The following GLRA3 variants were observed in gnomAD, a reference collection of about 807,000 sequenced individuals.
The protein encoded by GLRA3 is glycine receptor alpha 3.
A neutral mutation model predicts 60.4 loss-of-function variants in GLRA3; 44 were observed. That is an observed-to-expected ratio of 0.73 (90% confidence interval 0.57 to 0.94). GLRA3 has a LOEUF of 0.94. Ranked by LOEUF, GLRA3 falls within the 40% of genes least tolerant of loss-of-function variation. The pLI is 0.00. For missense variants in GLRA3, 508 were observed against 564.6 expected (o/e 0.90, Z 1.02); for synonymous variants, 223 against 192.9 (o/e 1.16, Z -1.29).
intron 8 of GLRA3, among the ~76,000 whole-genome samples, chr4:174,658,711 T>G (rs1733308353): frequency 6.6e-6 from 1 of 152,200 alleles, no homozygotes; most frequent in African/African-American, 2.4e-5. Context: ...TTTGATGACT[T>G]ATATCAAGTG....
intron 7 of GLRA3, among the ~76,000 whole-genome samples, chr4:174,675,207 T>C (rs71611792): frequency 0.19 from 29,280 of 152,070 alleles, 2,996 homozygotes; most frequent in East Asian, 0.39. Context: ...TGTACACATG[T>C]ATGTGTATAG....
intron 1 of GLRA3, among the ~76,000 whole-genome samples, chr4:174,822,642 A>C (rs1054509280): frequency 1.3e-5 from 2 of 152,312 alleles, no homozygotes; most frequent in African/African-American, 4.8e-5. Context: ...AAGCCCAATC[A>C]TTCTATGTTG....
At chr4:174,806,035 TG>T (rs539079144) in intron 1 of GLRA3, among the ~76,000 whole-genome samples, 157 of 152,280 alleles carry the variant, frequency 1.0e-3, no homozygotes, top group Non-Finnish European at 1.8e-3. Context: ...AGGTCTTCCT[TG>T]AAAAGATCAG....
intron 9 of GLRA3, among the ~76,000 whole-genome samples, chr4:174,651,014 CT>C (rs1252035876): frequency 2.0e-5 from 3 of 152,188 alleles, no homozygotes; most frequent in Non-Finnish European, 2.9e-5. Context: ...GATTCAGTGG[CT>C]TTTGCCTGAA....
At chr4:174,759,753 G>T (rs942231266) in intron 3 of GLRA3, among the ~76,000 whole-genome samples, 5 of 151,950 alleles carry the variant, frequency 3.3e-5, no homozygotes, top group African/African-American at 7.2e-5. Flanking sequence ...ACTTGAAACC[G>T]ACCCATTAAA....
chr4:174,644,409 T>G (rs1732735823), intron 9 of GLRA3, among the ~76,000 whole-genome samples: 1 of 41,020 alleles, frequency 2.4e-5, no homozygotes, highest in Middle Eastern at 0.018. Flanking sequence ...AACTAGATTT[T>G]TTTTTTTGCA....
At chr4:174,778,048 A>G (rs1410629141) in intron 2 of GLRA3, among the ~76,000 whole-genome samples, 2 of 151,548 alleles carry the variant, frequency 1.3e-5, no homozygotes, top group Non-Finnish European at 2.9e-5. Context: ...GTATGTATGT[A>G]TATATATATA....
At chr4:174,738,522 T>C (rs1736887902) in intron 3 of GLRA3, among the ~76,000 whole-genome samples, 2 of 152,350 alleles carry the variant, frequency 1.3e-5, no homozygotes, top group African/African-American at 2.4e-5. Flanking sequence ...TACCTTCTAT[T>C]TGAGCATGTA....
chr4:174,748,367 G>A (rs1047235000), intron 3 of GLRA3, among the ~76,000 whole-genome samples: 1 of 152,140 alleles, frequency 6.6e-6, no homozygotes, highest in Non-Finnish European at 1.5e-5. Flanking sequence ...GAAAAACCAG[G>A]AATTGAGGAA....
intron 5 of GLRA3, among the ~76,000 whole-genome samples, chr4:174,698,210 G>A (rs182250440): frequency 3.3e-5 from 5 of 152,122 alleles, no homozygotes; most frequent in Admixed American, 6.5e-5. Context: ...ATATTTTTTA[G>A]AGATAGGGTC....
chr4:174,718,498 C>T (rs1736007326), intron 4 of GLRA3, among the ~76,000 whole-genome samples: 1 of 152,114 alleles, frequency 6.6e-6, no homozygotes, highest in South Asian at 2.1e-4. Flanking sequence ...TTGTGACAAA[C>T]AATTGACCTC....
chr4:174,789,416 T>A (rs1321253884), intron 1 of GLRA3, among the ~76,000 whole-genome samples: 5 of 152,176 alleles, frequency 3.3e-5, no homozygotes, highest in Non-Finnish European at 7.4e-5. Flanking sequence ...TTAAACAATG[T>A]TTTTTTCTTC....
intron 2 of GLRA3, among the ~76,000 whole-genome samples, chr4:174,777,126 C>G (rs370059317): frequency 6.6e-6 from 1 of 151,806 alleles, no homozygotes; most frequent in Admixed American, 6.6e-5. Flanking sequence ...CCAGCATAAG[C>G]AAAAATCCTC....
chr4:174,764,552 G>A (rs1245198524), intron 3 of GLRA3, among the ~76,000 whole-genome samples: 5 of 68,728 alleles, frequency 7.3e-5, no homozygotes, highest in African/African-American at 1.8e-4. Flanking sequence ...GACAGACTCC[G>A]TCTCAAAAAA....
intron 3 of GLRA3, among the ~76,000 whole-genome samples, chr4:174,758,405 T>A (rs941079179): frequency 1.3e-5 from 2 of 152,104 alleles, no homozygotes; most frequent in African/African-American, 2.4e-5. Flanking sequence ...TCTCATAATC[T>A]AATCTATTCA....
At chr4:174,667,335 G>A (rs1733717329) in intron 7 of GLRA3, among the ~76,000 whole-genome samples, 1 of 152,094 alleles carries the variant, frequency 6.6e-6, no homozygotes, top group South Asian at 2.1e-4. Context: ...TTGTCCTTCT[G>A]AAACAAGAAT....
chr4:174,705,217 T>A (rs1189905831), intron 5 of GLRA3, among the ~76,000 whole-genome samples: 1 of 143,812 alleles, frequency 7.0e-6, no homozygotes, highest in Non-Finnish European at 1.5e-5. Flanking sequence ...TAGGTGGAAT[T>A]ACTGCCATTA....
chr4:174,715,603 T>A (rs752766438), intron 4 of GLRA3, 33 bp from the exon 5 acceptor site: 1 of 968,028 alleles, frequency 1.0e-6, no homozygotes, highest in Non-Finnish European at 1.6e-6. Flanking sequence ...TTAAAGGAAA[T>A]TTATGACATT....
chr4:174,739,631 T>A (rs1354759555), intron 3 of GLRA3, among the ~76,000 whole-genome samples: 1 of 152,124 alleles, frequency 6.6e-6, no homozygotes, highest in Non-Finnish European at 1.5e-5. Context: ...GTTAAGAGAA[T>A]TAGACTAGTA....
Sources: gnomAD v4.1 joint callset for allele counts (sites outside exome capture counted in the v4.1 genomes callset) on GRCh38, gnomAD v4.1.1 for gene constraint, MANE v1.5 for transcripts, NCBI Gene and HGNC (gene_info 2026-07-23, HGNC 2026-07-21) for gene names.